Variants in DOCK3 observed in about 807,000 individuals in gnomAD.
DOCK3 encodes dedicator of cytokinesis 3.
DOCK3 carries 60 observed loss-of-function variants against 265.6 expected under a neutral mutation model. The observed-to-expected ratio is 0.23, with a 90% CI of 0.18 to 0.28. DOCK3 has a LOEUF of 0.28. Among genes scored for constraint, DOCK3 ranks in the 10% least tolerant of loss-of-function variants. The pLI is 1.00. For missense variants in DOCK3, 1,981 were observed against 2,594.3 expected (o/e 0.76, Z 5.14); for synonymous variants, 881 against 938.0 (o/e 0.94, Z 1.11).
chr3:51,192,276 G>A (rs2087992394), intron 12 of DOCK3, among the ~76,000 whole-genome samples: 1 of 151,168 alleles, frequency 6.6e-6, no homozygotes, highest in African/African-American at 2.4e-5. Flanking sequence ...GTGAGAAATA[G>A]GTGTCCTGTT....
At chr3:51,341,534 C>G in intron 38 of DOCK3, 149 bp downstream of exon 38, 1 of 1,164,474 alleles carries the variant, frequency 8.6e-7, no homozygotes, top group Non-Finnish European at 1.2e-6. Flanking sequence ...GATGTGGAGG[C>G]AGCATGATTT....
intron 5 of DOCK3, among the ~76,000 whole-genome samples, chr3:51,018,926 T>G (rs533133626): frequency 6.6e-6 from 1 of 152,036 alleles, no homozygotes; most frequent in East Asian, 1.9e-4. Context: ...TATATATTGT[T>G]AGAAATATAG....
At chr3:50,916,404 T>C (rs563617172) in intron 4 of DOCK3, among the ~76,000 whole-genome samples, 4 of 151,976 alleles carry the variant, frequency 2.6e-5, no homozygotes, top group Non-Finnish European at 5.9e-5. Context: ...CTGAGCCCAG[T>C]TGGGAGATGG....
At chr3:50,912,343 G>A (rs1044659080) in intron 4 of DOCK3, among the ~76,000 whole-genome samples, 10 of 152,094 alleles carry the variant, frequency 6.6e-5, no homozygotes, top group East Asian at 1.9e-4. Context: ...TGGGGATGGA[G>A]TGACACAAGC....
intron 27 of DOCK3, among the ~76,000 whole-genome samples, chr3:51,306,475 T>C (rs562904360): frequency 1.3e-4 from 20 of 152,232 alleles, no homozygotes; most frequent in Admixed American, 3.9e-4. Context: ...GGAAAGTTTT[T>C]GCCCATTATT....
intron 5 of DOCK3, among the ~76,000 whole-genome samples, chr3:51,042,416 T>A (rs768734094): frequency 6.6e-6 from 1 of 152,152 alleles, no homozygotes; most frequent in African/African-American, 2.4e-5. Flanking sequence ...ATAAACTAGG[T>A]ATTGAAAGAA....
intron 40 of DOCK3, 146 bp downstream of exon 40, chr3:51,350,538 A>T: frequency 1.2e-6 from 1 of 867,432 alleles, no homozygotes; most frequent in Non-Finnish European, 1.8e-6. Context: ...ATTTGGTTTT[A>T]TTTGACTGGA....
chr3:50,933,955 G>A (rs748281220), intron 4 of DOCK3, 26 bp from the exon 5 acceptor site: 1 of 1,490,558 alleles, frequency 6.7e-7, no homozygotes, highest in Non-Finnish European at 9.1e-7. Flanking sequence ...AGATAATGTG[G>A]CTGTCTTTTG....
chr3:50,788,388 C>T (rs1317500423), intron 2 of DOCK3: 3 of 217,966 alleles, frequency 1.4e-5, no homozygotes, highest in Non-Finnish European at 2.7e-5. Flanking sequence ...CTAAGAATCA[C>T]TCAAATGAAA....
At chr3:51,211,173 G>T (rs1470493342) in intron 13 of DOCK3, among the ~76,000 whole-genome samples, 1 of 152,102 alleles carries the variant, frequency 6.6e-6, no homozygotes, top group Non-Finnish European at 1.5e-5. Context: ...GGGAGGTAGG[G>T]CACAAGAACA....
At chr3:51,174,040 A>G (rs2086818070) in intron 12 of DOCK3, among the ~76,000 whole-genome samples, 1 of 152,134 alleles carries the variant, frequency 6.6e-6, no homozygotes, top group Admixed American at 6.5e-5. Flanking sequence ...GAGTTCACTA[A>G]TTCTTTATTC....
At chr3:51,088,131 A>G (rs567736922) in intron 7 of DOCK3, among the ~76,000 whole-genome samples, 1 of 152,308 alleles carries the variant, frequency 6.6e-6, no homozygotes, top group East Asian at 1.9e-4. Flanking sequence ...AATATGTTAA[A>G]TGAAATAAGC....
At chr3:50,756,826 T>C (rs1336651002) in intron 1 of DOCK3, among the ~76,000 whole-genome samples, 2 of 152,214 alleles carry the variant, frequency 1.3e-5, no homozygotes, top group Non-Finnish European at 2.9e-5. Context: ...TTGTATATCT[T>C]CTTTGGGAGA....
chr3:51,296,885 G>C (rs943168178), intron 27 of DOCK3, among the ~76,000 whole-genome samples: 4 of 151,942 alleles, frequency 2.6e-5, no homozygotes, highest in African/African-American at 4.8e-5. Flanking sequence ...TTGGGCGTCT[G>C]AGGCAGGCAG....
intron 3 of DOCK3, among the ~76,000 whole-genome samples, chr3:50,888,265 G>T (rs1553694449): frequency 0.16 from 24,791 of 151,630 alleles, 2,275 homozygotes; most frequent in African/African-American, 0.22. Flanking sequence ...TCACAATTGC[G>T]TCAAAGAGAA....
chr3:51,125,207 A>G (rs1287580376), intron 9 of DOCK3, among the ~76,000 whole-genome samples: 1 of 152,098 alleles, frequency 6.6e-6, no homozygotes, highest in Non-Finnish European at 1.5e-5. Context: ...ACATTCTTAT[A>G]TTTTCAATGT....
chr3:50,943,928 A>G (rs1437767672), intron 5 of DOCK3, among the ~76,000 whole-genome samples: 1 of 152,170 alleles, frequency 6.6e-6, no homozygotes, highest in East Asian at 1.9e-4. Context: ...AACTTATTTC[A>G]AAGAGTTGTT....
intron 3 of DOCK3, among the ~76,000 whole-genome samples, chr3:50,882,435 C>T (rs1431616070): frequency 6.6e-6 from 1 of 152,144 alleles, no homozygotes; most frequent in Non-Finnish European, 1.5e-5. Context: ...AATCAAACAA[C>T]CCCATCAAAA....
chr3:51,148,120 T>G (rs960867532), intron 10 of DOCK3, among the ~76,000 whole-genome samples: 1 of 152,274 alleles, frequency 6.6e-6, no homozygotes, highest in Admixed American at 6.5e-5. Flanking sequence ...CATGTGTCTC[T>G]TAGCTGCATA....
Sources: allele counts gnomAD v4.1 joint callset (sites outside exome capture counted in the v4.1 genomes callset), GRCh38; gene constraint gnomAD v4.1.1; transcripts MANE v1.5; gene names NCBI Gene and HGNC (gene_info 2026-07-23, HGNC 2026-07-21).